SLCO3A1: variants seen among roughly 807,000 people sequenced by gnomAD.
SLCO3A1 encodes the protein solute carrier organic anion transporter family member 3A1.
In SLCO3A1, 27 loss-of-function variants were observed where a neutral mutation model predicts 63.1. The observed-to-expected ratio is 0.43, with a 90% CI of 0.32 to 0.59. The LOEUF (loss-of-function observed/expected upper bound fraction) is 0.59, where lower values mean the gene tolerates loss of function less well. Ranked by LOEUF, SLCO3A1 falls within the 20% of genes least tolerant of loss-of-function variation. The pLI is 0.09. For missense variants in SLCO3A1, 773 were observed against 945.8 expected, an observed-to-expected ratio of 0.82 and a Z score of 2.40; for synonymous variants, 473 against 409.9, an observed-to-expected ratio of 1.15 and a Z score of -1.86.
chr15:92,144,806 G>A (rs2048198945), intron 7 of SLCO3A1, among the ~76,000 whole-genome samples: 1 of 152,160 alleles, frequency 6.6e-6, no homozygotes, highest in Admixed American at 6.5e-5. Context: ...AGCCAGCACC[G>A]GCACTCGTTC....
chr15:91,956,088 G>T (rs1900166465), intron 2 of SLCO3A1, among the ~76,000 whole-genome samples: 1 of 152,160 alleles, frequency 6.6e-6, no homozygotes, highest in Admixed American at 6.5e-5. Flanking sequence ...GTGATCAGAA[G>T]ACCCATCCCC....
intron 2 of SLCO3A1, among the ~76,000 whole-genome samples, chr15:91,966,796 G>A (rs1178393535): frequency 6.6e-6 from 1 of 152,196 alleles, no homozygotes; most frequent in African/African-American, 2.4e-5. Context: ...AGAGCATCTG[G>A]CACTGTTCGT....
At chr15:92,165,977 T>A, downstream of SLCO3A1, 2 of 789,260 alleles carry the variant, frequency 2.5e-6, no homozygotes, top group Non-Finnish European at 3.1e-6. Flanking sequence ...GGATGAAAAG[T>A]CTCTCTCTGC....
rs376389355 is a variant in SLCO3A1 at position 92,126,108 on chromosome 15, C to T, written c.1222C>T (p.Leu408Phe). 166 of 1,613,600 alleles carry T rather than the reference C, an allele frequency of 1.0e-4. No individual in the cohort carries two copies. Among genetic ancestry groups the T allele is most frequent in the South Asian group, 1.6e-4 (15 of 91,054 alleles). ...CACLGIFLGG[L>F]LVKKLSLSAL... ...TTGTCTGGGTATCTTCCTGGGAGGTCTTTTGGTGAAGAAGCTCAGCCTGTC... is the reference window on the plus strand; with the variant it reads ...TTGTCTGGGTATCTTCCTGGGAGGTTTTTTGGTGAAGAAGCTCAGCCTGTC... Residue 408 changes from leucine to phenylalanine, a missense_variant, in exon 6 of 10, where the codon CTT becomes TTT. Around this residue, in one of 3 missense-constraint regions of SLCO3A1, gnomAD observed 565 missense variants for 749.8 expected, o/e 0.75. Transcript: ENST00000318445.
At chr15:92,096,332 TCTG>T (rs2047538804) in intron 3 of SLCO3A1, among the ~76,000 whole-genome samples, 1 of 152,214 alleles carries the variant, frequency 6.6e-6, no homozygotes, top group African/African-American at 2.4e-5. Context: ...TCTCATTACT[TCTG>T]CTGTATTTCG....
At chr15:91,905,110 A>G (rs1277628517) in intron 1 of SLCO3A1, among the ~76,000 whole-genome samples, 1 of 152,234 alleles carries the variant, frequency 6.6e-6, no homozygotes, top group East Asian at 1.9e-4. Context: ...TGGGTCTGAG[A>G]TTCCTGGGAA....
chr15:91,958,353 A>G (rs1900315321), intron 2 of SLCO3A1, among the ~76,000 whole-genome samples: 2 of 152,142 alleles, frequency 1.3e-5, no homozygotes, highest in Admixed American at 6.5e-5. Flanking sequence ...TTCATCTACC[A>G]TGTGTCTGGA....
rs974857951 is a variant in SLCO3A1 at position 92,164,383 on chromosome 15, A to T, written c.*1248A>T. 1.0e-6 allele frequency: 1 copy of T among 985,194 alleles called. No individual in the cohort carries two copies. Among genetic ancestry groups the T allele is most frequent in the Non-Finnish European group, 1.2e-6 (1 of 829,836 alleles). The allele number at this position is 985,194 out of a possible 1,614,324, so 61.0% of individuals were successfully genotyped here. On this transcript the variant is annotated 3_prime_UTR_variant, in exon 10 of 10. Transcript: ENST00000318445. ...TTAAAAGAATCACATTTGAGACAAC[A>T]GGGGATAATGTGATGAATTGCAAAT...
chr15:91,871,804 TTCAGGTTTAA>T, intron 1 of SLCO3A1, among the ~76,000 whole-genome samples: 1 of 150,690 alleles, frequency 6.6e-6, no homozygotes. Flanking sequence ...AGTGTTTTAT[TTCAGGTTTAA>T]TTTTTTTTTA....
chr15:91,924,810 C>T (rs1220828394), intron 2 of SLCO3A1, among the ~76,000 whole-genome samples: 1 of 152,192 alleles, frequency 6.6e-6, no homozygotes, highest in Admixed American at 6.5e-5. Flanking sequence ...AAGAAAAGCA[C>T]GGTTCAAGGT....
At position 92,107,295 on chromosome 15, in the gene SLCO3A1, G is replaced by A. The variant is rs868400109; in HGVS notation, c.1009+2753G>A. ...AAAGTGTTTCTGCAAGATTCCTTAA[G>A]AGCCAAAATACAGTGAAATGAGCTA... is the stretch of plus-strand genomic sequence containing the variant. On this transcript the variant is annotated intron_variant, in intron 4 of 9. Transcript: ENST00000318445. 4.6e-5 allele frequency among the ~76,000 whole-genome samples: 7 copies of A among 152,348 alleles called. No individual in the cohort carries two copies. In the South Asian group the frequency reaches 1.4e-3, roughly 32 times the overall value.
chr15:92,022,696 G>T (rs554183738), intron 2 of SLCO3A1, among the ~76,000 whole-genome samples: 1 of 152,276 alleles, frequency 6.6e-6, no homozygotes, highest in South Asian at 2.1e-4. Context: ...AAGATGCTTT[G>T]GTAAATGGTA....
At position 91,886,531 on chromosome 15, in the gene SLCO3A1, T is replaced by A. The variant is rs1311019893; in HGVS notation, c.181-29462T>A. Among the ~76,000 whole-genome samples the A allele has an allele frequency of 2.0e-5, 3 of 152,226 alleles. No individual in the cohort carries two copies. Among genetic ancestry groups the A allele is most frequent in the Non-Finnish European group, 4.4e-5 (3 of 68,048 alleles). On this transcript the variant is annotated intron_variant, in intron 1 of 9. Coordinates refer to ENST00000318445, the MANE Select transcript of SLCO3A1 (RefSeq NM_013272.4). The surrounding 1 kb of genome is among the most constrained non-coding windows in gnomAD (Gnocchi z 4.9). ...CCTGGTGATTTTCCTCTTTACGCTT[T>A]GCCCTTCCAAAGAGAGATGGAAGAT... is the stretch of plus-strand genomic sequence containing the variant.
chr15:91,894,646 G>C lies in SLCO3A1; in HGVS notation c.181-21347G>C, dbSNP rs1285285161. Among the ~76,000 whole-genome samples, 1 of 152,202 alleles carries C rather than the reference G, an allele frequency of 6.6e-6. No individual in the cohort carries two copies. Among genetic ancestry groups the C allele is most frequent in the Non-Finnish European group, 1.5e-5 (1 of 68,038 alleles). On this transcript the variant is annotated intron_variant, in intron 1 of 9. Coordinates refer to ENST00000318445, the MANE Select transcript of SLCO3A1 (RefSeq NM_013272.4). This position sits in a 1 kb window ranked among gnomAD's most constrained non-coding sequence, Gnocchi z 4.8. ...CCGAGGCAGCATTTTTGACTTGAAT[G>C]TTCATATGTACCACTGGGGATCTTG...
At chr15:91,879,569 C>A (rs75713717) in intron 1 of SLCO3A1, among the ~76,000 whole-genome samples, 1 of 151,968 alleles carries the variant, frequency 6.6e-6, no homozygotes, top group Non-Finnish European at 1.5e-5. Context: ...TAGGTTGCAA[C>A]AAAAATATGG....
At chr15:92,047,037 TATA>T (rs1567086774) in intron 2 of SLCO3A1, among the ~76,000 whole-genome samples, 1 of 68,066 alleles carries the variant, frequency 1.5e-5, no homozygotes, top group Non-Finnish European at 2.7e-5. Flanking sequence ...AATATATATA[TATA>T]AATATATATA....
intron 1 of SLCO3A1, among the ~76,000 whole-genome samples, chr15:91,901,614 C>G (rs760584625): frequency 3.3e-5 from 5 of 152,084 alleles, no homozygotes; most frequent in Admixed American, 6.5e-5. Flanking sequence ...AAAGCTTTGC[C>G]GGATGTAGAA....
chr15:91,877,951 G>A (rs1224096250), intron 1 of SLCO3A1, among the ~76,000 whole-genome samples: 2 of 152,090 alleles, frequency 1.3e-5, no homozygotes, highest in Admixed American at 6.5e-5. Flanking sequence ...TCCTGTGGAA[G>A]GACTAGAATC....
downstream of SLCO3A1, among the ~76,000 whole-genome samples, chr15:92,167,695 G>C (rs1389967876): frequency 6.6e-6 from 1 of 152,174 alleles, no homozygotes; most frequent in Non-Finnish European, 1.5e-5. Context: ...CTCTTATGGG[G>C]CCTGTTGCCT....
Sources: gnomAD v4.1 joint callset for allele counts (sites outside exome capture counted in the v4.1 genomes callset) on GRCh38, gnomAD v4.1.1 for gene constraint, gnomAD v4.1.1 regional missense constraint, Gnocchi (gnomAD v3.1) non-coding constraint, MANE v1.5 for transcripts, NCBI Gene and HGNC (gene_info 2026-07-23, HGNC 2026-07-21) for gene names.